NPAP1: variants seen among roughly 807,000 people sequenced by gnomAD.
The protein encoded by NPAP1 is nuclear pore-associated protein 1.
For synonymous variants in NPAP1, 616 were observed against 581.4 expected (o/e 1.06, Z -0.86); for missense variants, 1,483 against 1,454.5 (o/e 1.02, Z -0.32).
In NPAP1 at chr15:24,678,558, T is replaced by C. The variant is rs2141312896; in HGVS notation, c.2691T>C (p.Ser897=). The change falls in exon 1 of 1, where the codon TCT becomes TCC. Residue 897 remains serine (S), a synonymous_variant. Coordinates refer to ENST00000329468, the MANE Select transcript of NPAP1 (RefSeq NM_018958.3). ...SSHPLNTGSI[S]HSTLGATDGQ... The stretch of plus-strand genomic sequence containing the variant: ...ATCCTTTAAATACAGGATCCATCTC[T>C]CATTCCACACTTGGGGCCACTGATG... 1 of 1,614,110 alleles carries C rather than the reference T, an allele frequency of 6.2e-7. No homozygotes were observed. Among genetic ancestry groups the C allele is most frequent in the Non-Finnish European group, 8.5e-7 (1 of 1,180,030 alleles).
Position 24,675,977 on chromosome 15 carries a change from G to T in NPAP1, c.110G>T (p.Arg37Leu). ...PLSRDASPPG[R>L]AHSVPTPRPF... is the part of the protein sequence containing the mutation. ...TCCCGGGACGCCTCCCCGCCCGGTC[G>T]GGCTCACTCTGTACCCACCCCGCGC... Residue 37 changes from arginine to leucine, a missense_variant, in exon 1 of 1, where the codon CGG becomes CTG. By Grantham distance (102) the Arg-to-Leu change is moderately radical. Coordinates refer to ENST00000329468, the MANE Select transcript of NPAP1 (RefSeq NM_018958.3). 6.3e-7 allele frequency: 1 copy of T among 1,595,494 alleles called. No individual in the cohort carries two copies. Among genetic ancestry groups the T allele is most frequent in the Non-Finnish European group, 8.5e-7 (1 of 1,172,910 alleles).
At chr15:24,676,782 GA>G in the NPAP1 span, 1 of 1,613,478 alleles carries the variant, frequency 6.2e-7, no homozygotes, top group South Asian at 1.1e-5. Flanking sequence ...TGCCTGATGA[GA>G]AGCCTTTCTG....
At position 24,675,780 on chromosome 15, in the gene NPAP1, G is replaced by A; in HGVS notation, c.-88G>A. The A allele has an allele frequency of 2.1e-6, 2 of 974,128 alleles. No homozygotes were observed. The highest frequency in any genetic ancestry group is 3.3e-5 in the East Asian group (1 of 30,754). The allele number at this position is 974,128 out of a possible 1,614,324, so 60.3% of individuals were successfully genotyped here. A position where few individuals can be genotyped will look rare whatever the true frequency, so the allele number is the denominator to read the frequency against. On this transcript the variant is annotated 5_prime_UTR_variant, in exon 1 of 1. In the 5' UTR this introduces an upstream ATG that the reference lacks. Transcript: ENST00000329468. ...TCGCAGGCGTAGAGCCAGTCAGTTTGTGCTTGGTCGCCAGAGGAGGCGGTG... is the reference window on the plus strand; with the variant it reads ...TCGCAGGCGTAGAGCCAGTCAGTTTATGCTTGGTCGCCAGAGGAGGCGGTG...
rs1401251245 is a variant in NPAP1, at chr15:24,682,394, A to T, written c.*3056A>T. ...TCTTGACATTTTTTAAAAGGCTTCA[A>T]GCTAAATATTATGATCCTGGTAAGA... On this transcript the variant is annotated 3_prime_UTR_variant, in exon 1 of 1. Transcript: ENST00000329468. The T allele has an allele frequency of 2.4e-5, 4 of 166,628 alleles. No homozygotes were observed. In the Admixed American group the frequency reaches 2.6e-4, roughly 11 times the overall value. The allele number at this position is 166,628 out of a possible 1,614,324, so 10.3% of individuals were successfully genotyped here.
Position 24,677,244 on chromosome 15 carries a change from T to C in NPAP1, c.1377T>C (p.Pro459=), listed in dbSNP as rs772526408. 402 of 1,614,008 alleles carry C rather than the reference T, an allele frequency of 2.5e-4. No homozygotes were observed. The highest frequency in any genetic ancestry group is 7.2e-4 in the Admixed American group (43 of 60,002). Residue 459 remains proline (P), a synonymous_variant, in exon 1 of 1, where the codon CCT becomes CCC. Transcript: ENST00000329468. ...KMDEKIAFTI[P]NSPLALPADL... ...ATGAGAAAATAGCATTCACAATCCC[T>C]AACTCTCCTCTGGCTCTTCCTGCTG... is the stretch of plus-strand genomic sequence containing the variant.
At position 24,676,073 on chromosome 15, in the gene NPAP1, A is replaced by G. The variant is rs2141307214; in HGVS notation, c.206A>G (p.Lys69Arg). 1 of 1,574,274 alleles carries G rather than the reference A, an allele frequency of 6.4e-7. No individual in the cohort carries two copies. Among genetic ancestry groups the G allele is most frequent in the South Asian group, 1.2e-5 (1 of 84,202 alleles). ...GCAGCCAGCATCTTCGTCGCCCCTAAGAGGCCGTGTCCTCTCCCTCGGGCT... is the reference window on the plus strand; with the variant it reads ...GCAGCCAGCATCTTCGTCGCCCCTAGGAGGCCGTGTCCTCTCCCTCGGGCT... ...PSAASIFVAP[K>R]RPCPLPRAAA... is the part of the protein sequence containing the mutation. Residue 69 changes from lysine (K) to arginine (R), a missense_variant, in exon 1 of 1, where the codon AAG becomes AGG. Coordinates refer to ENST00000329468, the MANE Select transcript of NPAP1 (RefSeq NM_018958.3).
rs777774342 is a variant in NPAP1, at chr15:24,677,991, T to C, written c.2124T>C (p.Ala708=). 3.1e-6 allele frequency: 5 copies of C among 1,614,126 alleles called. No individual in the cohort carries two copies. Among genetic ancestry groups the C allele is most frequent in the Non-Finnish European group, 4.2e-6 (5 of 1,180,032 alleles). ...NAMHTTPPSK[A]VILQSASVSK... is the part of the protein sequence containing the mutation. ...TGCATACCACTCCTCCTTCCAAGGC[T>C]GTCATCTTGCAGTCTGCCTCTGTCT... Residue 708 remains alanine, a synonymous_variant, in exon 1 of 1, where the codon GCT becomes GCC. Transcript: ENST00000329468.
Position 24,677,006 on chromosome 15 carries a change from G to T in NPAP1, c.1139G>T (p.Arg380Ile). The T allele has an allele frequency of 6.2e-7, 1 of 1,613,936 alleles. No individual in the cohort carries two copies. ...EKSPEYKRNS[R>I]ILEDKTETMT... ...AGCCCTGAGTATAAAAGGAATAGCA[G>T]AATCTTGGAGGATAAAACAGAGACC... is the stretch of plus-strand genomic sequence containing the variant. Residue 380 changes from arginine to isoleucine, a missense_variant, in exon 1 of 1, where the codon AGA (arginine) becomes ATA (isoleucine). Arg to Ile is a moderately conservative substitution (Grantham distance 97). Transcript: ENST00000329468.
In NPAP1 at chr15:24,676,242, C is replaced by A; in HGVS notation, c.375C>A (p.Leu125=). 1 of 1,522,980 alleles carries A rather than the reference C, an allele frequency of 6.6e-7. No homozygotes were observed. The highest frequency in any genetic ancestry group is 8.8e-7 in the Non-Finnish European group (1 of 1,137,868). 94.3% of individuals were successfully genotyped at this position (1,522,980 alleles called of 1,614,324 possible). ...RIPPPSRMFT[L]LLPSPREPAV... is the part of the protein sequence containing the mutation. Reference sequence around the variant, plus strand: ...CTCCTCCCAGCCGCATGTTCACTCTCCTGCTGCCTTCACCACGTGAGCCGG... The same window carrying A: ...CTCCTCCCAGCCGCATGTTCACTCTACTGCTGCCTTCACCACGTGAGCCGG... The change falls in exon 1 of 1, where the codon CTC becomes CTA. Residue 125 remains leucine (L), a synonymous_variant. Coordinates refer to ENST00000329468, the MANE Select transcript of NPAP1 (RefSeq NM_018958.3).
At position 24,678,136 on chromosome 15, in the gene NPAP1, G is replaced by A. The variant is rs36032407; in HGVS notation, c.2269G>A (p.Ala757Thr). 0.033 allele frequency: 52,903 copies of A among 1,611,236 alleles called. 1,002 individuals are homozygous for A. The highest frequency in any genetic ancestry group is 0.037 in the Non-Finnish European group (43,524 of 1,179,334). ...SLPAQSVRAPATASNHPLNPG... is the reference protein window; with the variant it reads ...SLPAQSVRAPTTASNHPLNPG... ...GCCTGCACAGTCAGTCAGGGCACCA[G>A]CTACAGCTTCCAACCATCCTTTAAA... Residue 757 changes from alanine (A) to threonine (T), a missense_variant, in exon 1 of 1, where the codon GCT becomes ACT. Physicochemically the swap from Ala to Thr is moderately conservative, Grantham distance 58. Coordinates refer to ENST00000329468, the MANE Select transcript of NPAP1 (RefSeq NM_018958.3).
Position 24,675,855 on chromosome 15 carries a change from C to A in NPAP1, c.-13C>A. On this transcript the variant is annotated 5_prime_UTR_variant, in exon 1 of 1. Transcript: ENST00000329468. ...TGACCCTGTTTTACGGTAGGAGGCA[C>A]GGCTAGCTCTAAATGGGCAATTTAC... 1 of 1,513,880 alleles carries A rather than the reference C, an allele frequency of 6.6e-7. No individual in the cohort carries two copies. Among genetic ancestry groups the A allele is most frequent in the Non-Finnish European group, 8.8e-7 (1 of 1,132,498 alleles). 93.8% of individuals were successfully genotyped at this position (1,513,880 alleles called of 1,614,324 possible).
At position 24,676,667 on chromosome 15, in the gene NPAP1, T is replaced by C. The variant is rs754535356; in HGVS notation, c.800T>C (p.Val267Ala). Residue 267 changes from valine to alanine, a missense_variant, in exon 1 of 1, where the codon GTT becomes GCT. Coordinates refer to ENST00000329468, the MANE Select transcript of NPAP1 (RefSeq NM_018958.3). ...PDATAPPEPAVGCSLLQQKLA... is the reference protein window; with the variant it reads ...PDATAPPEPAAGCSLLQQKLA... ...GCAACAGCGCCCCCTGAGCCAGCCG[T>C]TGGCTGCTCCCTGCTGCAGCAGAAG... 22 of 1,613,908 alleles carry C rather than the reference T, an allele frequency of 1.4e-5. No homozygotes were observed. The highest frequency in any genetic ancestry group is 1.8e-5 in the Non-Finnish European group (21 of 1,180,042).
chr15:24,679,232 G>T lies in NPAP1; in HGVS notation c.3365G>T (p.Cys1122Phe), dbSNP rs749957166. 2.5e-6 allele frequency: 4 copies of T among 1,614,100 alleles called. No homozygotes were observed. In the South Asian group the frequency reaches 4.4e-5, roughly 18 times the overall value. Reference sequence around the variant, plus strand: ...CCTTGTGTTCCTGCTTTTCAACAGTGCATCCTGCAGCACACATGGACAGAG... The same window carrying T: ...CCTTGTGTTCCTGCTTTTCAACAGTTCATCCTGCAGCACACATGGACAGAG... Reference protein sequence around the residue: ...GGPCVPAFQQCILQHTWTERK... With the variant: ...GGPCVPAFQQFILQHTWTERK... Residue 1122 changes from cysteine to phenylalanine, a missense_variant, in exon 1 of 1, where the codon TGC becomes TTC. Coordinates refer to ENST00000329468, the MANE Select transcript of NPAP1 (RefSeq NM_018958.3).
In NPAP1 at chr15:24,676,239, T is replaced by G; in HGVS notation, c.372T>G (p.Thr124=). Residue 124 remains threonine, a synonymous_variant, in exon 1 of 1, where the codon ACT becomes ACG. Transcript: ENST00000329468. ...VRIPPPSRMF[T]LLLPSPREPA... ...TCCCTCCTCCCAGCCGCATGTTCACTCTCCTGCTGCCTTCACCACGTGAGC... is the reference window on the plus strand; with the variant it reads ...TCCCTCCTCCCAGCCGCATGTTCACGCTCCTGCTGCCTTCACCACGTGAGC... The G allele has an allele frequency of 1.3e-6, 2 of 1,520,228 alleles. No homozygotes were observed. Among genetic ancestry groups the G allele is most frequent in the African/African-American group, 2.8e-5 (2 of 71,728 alleles). 94.2% of individuals were successfully genotyped at this position (1,520,228 alleles called of 1,614,324 possible). A position where few individuals can be genotyped will look rare whatever the true frequency, so the allele number is the denominator to read the frequency against.
At position 24,676,688 on chromosome 15, in the gene NPAP1, A is replaced by G. The variant is rs200204213; in HGVS notation, c.821A>G (p.Gln274Arg). Residue 274 changes from glutamine to arginine, a missense_variant, in exon 1 of 1, where the codon CAG (glutamine) becomes CGG (arginine). Physicochemically the swap from Gln to Arg is conservative, Grantham distance 43. Coordinates refer to ENST00000329468, the MANE Select transcript of NPAP1 (RefSeq NM_018958.3). Reference sequence around the variant, plus strand: ...GCCGTTGGCTGCTCCCTGCTGCAGCAGAAGTTGGCTGCGGAAGTGCTGAAT... The same window carrying G: ...GCCGTTGGCTGCTCCCTGCTGCAGCGGAAGTTGGCTGCGGAAGTGCTGAAT... ...EPAVGCSLLQ[Q>R]KLAAEVLNEE... 8.0e-5 allele frequency: 129 copies of G among 1,613,964 alleles called. 1 individual carries two copies. Among genetic ancestry groups the G allele is most frequent in the Middle Eastern group, 3.3e-4 (2 of 6,084 alleles).
At position 24,676,690 on chromosome 15, in the gene NPAP1, A is replaced by C. The variant is rs751135241; in HGVS notation, c.823A>C (p.Lys275Gln). 20 of 1,613,918 alleles carry C rather than the reference A, an allele frequency of 1.2e-5. No homozygotes were observed. The highest frequency in any genetic ancestry group is 1.7e-5 in the Non-Finnish European group (20 of 1,180,034). ...CGTTGGCTGCTCCCTGCTGCAGCAG[A>C]AGTTGGCTGCGGAAGTGCTGAATGA... ...PAVGCSLLQQ[K>Q]LAAEVLNEEP... The change falls in exon 1 of 1, where the codon AAG becomes CAG. Residue 275 changes from lysine to glutamine, a missense_variant. Lys to Gln is a moderately conservative substitution (Grantham distance 53). Coordinates refer to ENST00000329468, the MANE Select transcript of NPAP1 (RefSeq NM_018958.3).
rs2048978820 is a variant in NPAP1, at chr15:24,676,730, G to T, written c.863G>T (p.Ser288Ile). 1.2e-6 allele frequency: 2 copies of T among 1,613,872 alleles called. No individual in the cohort carries two copies. Among genetic ancestry groups the T allele is most frequent in the Non-Finnish European group, 1.7e-6 (2 of 1,180,048 alleles). The change falls in exon 1 of 1, where the codon AGC becomes ATC. Residue 288 changes from serine (S) to isoleucine (I), a missense_variant. By Grantham distance (142) the Ser-to-Ile change is moderately radical. Coordinates refer to ENST00000329468, the MANE Select transcript of NPAP1 (RefSeq NM_018958.3). ...GTGCTGAATGAAGAGCCACCGCCCA[G>T]CTCCCTAGGCTTGCCGATTCCGCTG... Reference protein sequence around the residue: ...AEVLNEEPPPSSLGLPIPLMS... With the variant: ...AEVLNEEPPPISLGLPIPLMS...
Position 24,680,595 on chromosome 15 carries a change from A to G in NPAP1, c.*1257A>G, listed in dbSNP as rs1202644012. On this transcript the variant is annotated 3_prime_UTR_variant, in exon 1 of 1. Transcript: ENST00000329468. ...CCCAAAACCACAGACAGAGAGAGAG[A>G]GAGTGTGTGTGTTTGTGTGTGTGTG... 1 of 164,462 alleles carries G rather than the reference A, an allele frequency of 6.1e-6. No individual in the cohort carries two copies. Among genetic ancestry groups the G allele is most frequent in the East Asian group, 2.0e-4 (1 of 5,002 alleles). 10.2% of individuals were successfully genotyped at this position (164,462 alleles called of 1,614,324 possible). A position where few individuals can be genotyped will look rare whatever the true frequency, so the allele number is the denominator to read the frequency against.
At position 24,678,652 on chromosome 15, in the gene NPAP1, A is replaced by C. The variant is rs34413216; in HGVS notation, c.2785A>C (p.Thr929Pro). 0.033 allele frequency: 52,917 copies of C among 1,614,118 alleles called. 1,003 individuals are homozygous for C. The highest frequency in any genetic ancestry group is 0.037 in the Non-Finnish European group (43,533 of 1,180,028). Residue 929 changes from threonine (T) to proline (P), a missense_variant, in exon 1 of 1, where the codon ACA becomes CCA. By Grantham distance (38) the Thr-to-Pro change is conservative. Coordinates refer to ENST00000329468, the MANE Select transcript of NPAP1 (RefSeq NM_018958.3). ...AACCCCAGCACCAGTTATAGGCTTA[A>C]CATCTCCTTCAGTCCAGCCACTGAG... is the stretch of plus-strand genomic sequence containing the variant. Reference protein sequence around the residue: ...PATPAPVIGLTSPSVQPLSGS... With the variant: ...PATPAPVIGLPSPSVQPLSGS...
Sources: allele counts gnomAD v4.1 joint callset, GRCh38; gene constraint gnomAD v4.1.1; transcripts MANE v1.5; gene names NCBI Gene and HGNC (gene_info 2026-07-23, HGNC 2026-07-21).